Variants in KMT2C observed in about 807,000 individuals in gnomAD.
The protein encoded by KMT2C is histone-lysine N-methyltransferase 2C.
KMT2C carries 88 observed loss-of-function variants against 507.9 expected under a neutral mutation model. That is an observed-to-expected ratio of 0.17 (90% CI 0.15 to 0.21). The LOEUF (loss-of-function observed/expected upper bound fraction) is 0.21. KMT2C is among the 10% of genes least tolerant of loss of function. The pLI, the probability that KMT2C is intolerant of heterozygous loss-of-function variation, is 1.00. For synonymous variants in KMT2C, 2,049 were observed against 2,080.8 expected (o/e 0.98, Z 0.42); for missense variants, 4,954 against 5,957.8 (o/e 0.83, Z 5.55).
At chr7:152,176,088 T>G (rs1383030297) in intron 38 of KMT2C, 103 bp downstream of exon 38, 1 of 1,182,220 alleles carries the variant, frequency 8.5e-7, no homozygotes, top group African/African-American at 1.5e-5. Context: ...AAAAACTCAG[T>G]GCTTTATTCC....
intron 43 of KMT2C, among the ~76,000 whole-genome samples, chr7:152,160,363 TG>T (rs1365469891): frequency 6.6e-6 from 1 of 152,136 alleles, no homozygotes; most frequent in African/African-American, 2.4e-5. Flanking sequence ...ATACCGGGGC[TG>T]GAGCCCAGCA....
At chr7:152,139,870 T>C (rs1032709288) in intron 55 of KMT2C, 79 bp from the exon 56 acceptor site, 4 of 955,366 alleles carry the variant, frequency 4.2e-6, no homozygotes, top group Middle Eastern at 2.2e-4. Flanking sequence ...GGTTTCACCC[T>C]CGGGTCTTAT....
intron 1 of KMT2C, among the ~76,000 whole-genome samples, chr7:152,399,257 A>G (rs2116596884): frequency 6.6e-6 from 1 of 152,320 alleles, no homozygotes; most frequent in South Asian, 2.1e-4. Context: ...TTTTTGGTCT[A>G]GTCCAGTTTG....
intron 1 of KMT2C, among the ~76,000 whole-genome samples, chr7:152,390,467 C>T (rs2097483725): frequency 1.3e-5 from 2 of 152,302 alleles, no homozygotes; most frequent in South Asian, 4.1e-4. Context: ...AAGTATACAA[C>T]AGTGTGATGA....
intron 27 of KMT2C, among the ~76,000 whole-genome samples, chr7:152,196,414 G>A (rs1033672221): frequency 8.4e-5 from 12 of 143,690 alleles, no homozygotes; most frequent in African/African-American, 3.6e-4. Context: ...TCACTCTTTA[G>A]AAATTCCATA....
intron 3 of KMT2C, among the ~76,000 whole-genome samples, chr7:152,319,487 T>C (rs899347225): frequency 1.3e-5 from 2 of 152,102 alleles, no homozygotes; most frequent in Non-Finnish European, 2.9e-5. Flanking sequence ...AAGACACCTG[T>C]TGCCAAGTGG....
intron 1 of KMT2C, among the ~76,000 whole-genome samples, chr7:152,361,008 A>T (rs961355280): frequency 6.6e-6 from 1 of 152,200 alleles, no homozygotes; most frequent in Non-Finnish European, 1.5e-5. Flanking sequence ...GAAAATAAAA[A>T]CTGAGAACAA....
chr7:152,433,669 ATAGT>A (rs1160663352), intron 1 of KMT2C, among the ~76,000 whole-genome samples: 8 of 152,236 alleles, frequency 5.3e-5, no homozygotes, highest in South Asian at 2.1e-4. Flanking sequence ...TTGATTTTTC[ATAGT>A]TAGATTATAC....
intron 6 of KMT2C, among the ~76,000 whole-genome samples, chr7:152,304,536 T>C (rs1215815300): frequency 6.6e-6 from 1 of 152,214 alleles, no homozygotes; most frequent in Non-Finnish European, 1.5e-5. Flanking sequence ...ACATCTGTTT[T>C]CAAAATGTTC....
intron 1 of KMT2C, among the ~76,000 whole-genome samples, chr7:152,371,365 C>CA (rs1033160641): frequency 2.3e-4 from 35 of 150,522 alleles, no homozygotes; most frequent in Admixed American, 9.9e-4. Flanking sequence ...ATGGTAACCA[C>CA]AAAAAAAAGG....
intron 38 of KMT2C, 138 bp from the exon 39 acceptor site, chr7:152,174,380 G>T: frequency 1.8e-6 from 1 of 551,412 alleles, no homozygotes; most frequent in Non-Finnish European, 3.2e-6. Flanking sequence ...CCTTATCCTG[G>T]GTTTAATCGC....
intron 3 of KMT2C, among the ~76,000 whole-genome samples, chr7:152,326,918 T>C (rs1424845898): frequency 6.6e-6 from 1 of 152,136 alleles, no homozygotes; most frequent in Admixed American, 6.5e-5. Flanking sequence ...TTAAATTCAA[T>C]CTGTTCATCC....
In KMT2C at chr7:152,199,455, G is replaced by A; in HGVS notation, c.4097C>T (p.Ala1366Val). The A allele has an allele frequency of 6.5e-7, 1 of 1,549,582 alleles. No individual in the cohort carries two copies. Residue 1366 changes from alanine to valine, a missense_variant, in exon 27 of 59, where the codon GCT (alanine) becomes GTT (valine). Physicochemically the swap from Ala to Val is moderately conservative, Grantham distance 64. Transcript: ENST00000262189. Reference sequence around the variant, plus strand: ...ATCTAGAAGATCTTTTCCAAAGAAAGCTTCCTAGATGAAGATAAGCACATA... The same window carrying A: ...ATCTAGAAGATCTTTTCCAAAGAAAACTTCCTAGATGAAGATAAGCACATA... Reference protein sequence around the residue: ...EETFPAYLQEAFFGKDLLDTS... With the variant: ...EETFPAYLQEVFFGKDLLDTS...
chr7:152,383,496 G>T (rs986461684), intron 1 of KMT2C, among the ~76,000 whole-genome samples: 1 of 152,166 alleles, frequency 6.6e-6, no homozygotes, highest in African/African-American at 2.4e-5. Flanking sequence ...GAAAGCTAAG[G>T]GGAAGGACAG....
rs113552284 is a variant in KMT2C at position 152,401,340 on chromosome 7, G to A, written c.161+34286C>T. On this transcript the variant is annotated intron_variant, in intron 1 of 58. Coordinates refer to ENST00000262189, the MANE Select transcript of KMT2C (RefSeq NM_170606.3). ...GGTGATCAGCCCGCCTCAGCCTCCC[G>A]AAGTGCTGGGATTACAGGTGTGAGC... Among the ~76,000 whole-genome samples, 16 of 151,306 alleles carry A rather than the reference G, an allele frequency of 1.1e-4. No homozygotes were observed. The South Asian group carries it at 2.1e-3, about 20-fold the overall frequency.
At chr7:152,259,184 T>C (rs1028687228) in intron 9 of KMT2C, among the ~76,000 whole-genome samples, 1 of 152,054 alleles carries the variant, frequency 6.6e-6, no homozygotes, top group Non-Finnish European at 1.5e-5. Context: ...AACTAAATCC[T>C]AGAACCTACT....
intron 9 of KMT2C, among the ~76,000 whole-genome samples, chr7:152,260,540 G>A (rs556926239): frequency 1.3e-5 from 2 of 152,074 alleles, no homozygotes; most frequent in East Asian, 3.9e-4. Flanking sequence ...ATCTCCCAAA[G>A]CTTTCAGGAA....
At chr7:152,255,397 C>T (rs1371889804) in intron 9 of KMT2C, among the ~76,000 whole-genome samples, 1 of 151,790 alleles carries the variant, frequency 6.6e-6, no homozygotes, top group Non-Finnish European at 1.5e-5. Flanking sequence ...AACTCCTGAG[C>T]TCAAGCAACA....
chr7:152,236,783 T>G (rs2095283555), intron 15 of KMT2C, among the ~76,000 whole-genome samples: 1 of 152,128 alleles, frequency 6.6e-6, no homozygotes. Context: ...CCTAGAACTC[T>G]TGGGCTCAAG....
Sources: allele counts gnomAD v4.1 joint callset (sites outside exome capture counted in the v4.1 genomes callset), GRCh38; gene constraint gnomAD v4.1.1; transcripts MANE v1.5; gene names NCBI Gene and HGNC (gene_info 2026-07-23, HGNC 2026-07-21).